ZNF292: variants seen among roughly 807,000 people sequenced by gnomAD.
ZNF292 encodes the protein 16 zinc-finger domain protein.
In ZNF292, 26 loss-of-function variants were observed where a neutral mutation model predicts 217.9. That is an observed-to-expected ratio of 0.12 (90% CI 0.09 to 0.17). ZNF292 has a LOEUF of 0.17. Among genes scored for constraint, ZNF292 ranks in the 10% least tolerant of loss-of-function variants. ZNF292 has a pLI of 1.00. For missense variants in ZNF292, 2,904 were observed against 3,175.2 expected, an observed-to-expected ratio of 0.91 and a Z score of 2.05; for synonymous variants, 1,257 against 1,124.1, an observed-to-expected ratio of 1.12 and a Z score of -2.37.
chr6:87,211,826 C>T (rs772751518), intron 1 of ZNF292, among the ~76,000 whole-genome samples: 1 of 152,140 alleles, frequency 6.6e-6, no homozygotes, highest in Non-Finnish European at 1.5e-5. Flanking sequence ...CTTGTCTTTT[C>T]CCCTCTATGC....
chr6:87,224,516 TTATC>T lies in ZNF292; in HGVS notation c.538+5791_538+5794del, dbSNP rs1231539691. ...CTTCTCCCAAACACCTGACAACTAC[TTATC>T]TATCTGCCATCTCTATAGTTTTGCC... On this transcript the variant is annotated intron_variant, in intron 4 of 7. Coordinates refer to ENST00000369577, the MANE Select transcript of ZNF292 (RefSeq NM_015021.3). 1.1e-4 allele frequency among the ~76,000 whole-genome samples: 17 copies of T among 152,194 alleles called. No homozygotes were observed. The East Asian group carries it at 3.1e-3, about 28-fold the overall frequency.
chr6:87,166,723 A>G (rs1427376857), intron 1 of ZNF292, among the ~76,000 whole-genome samples: 2 of 152,158 alleles, frequency 1.3e-5, no homozygotes, highest in Admixed American at 6.5e-5. Flanking sequence ...AAATTTTTTC[A>G]AGCTTTGTCA....
chr6:87,259,658 C>T lies in ZNF292; in HGVS notation c.6029C>T (p.Ala2010Val), dbSNP rs751384080. 4.4e-6 allele frequency: 7 copies of T among 1,588,378 alleles called. No individual in the cohort carries two copies. The highest frequency in any genetic ancestry group is 1.3e-5 in the African/African-American group (1 of 74,412). ...SRSTQVKKQL[A>V]MTEENKKESQ... is the part of the protein sequence containing the mutation. The stretch of plus-strand genomic sequence containing the variant: ...AGTACACAAGTGAAAAAACAGCTAG[C>T]TATGACAGAGGAAAATAAAAAGGAA... The change falls in exon 8 of 8, where the codon GCT (alanine) becomes GTT (valine). Residue 2010 changes from alanine (A) to valine (V), a missense_variant. Physicochemically the swap from Ala to Val is moderately conservative, Grantham distance 64. Transcript: ENST00000369577.
At chr6:87,182,991 T>C (rs1185542346) in intron 1 of ZNF292, among the ~76,000 whole-genome samples, 1 of 152,136 alleles carries the variant, frequency 6.6e-6, no homozygotes, top group Non-Finnish European at 1.5e-5. Context: ...GAAACACTCA[T>C]GGAGATAGTG....
At position 87,259,055 on chromosome 6, in the gene ZNF292, C is replaced by G. The variant is rs772258095; in HGVS notation, c.5426C>G (p.Ser1809Cys). ...NTVQNNKLPD[S>C]SPFSSFISVM... Reference sequence around the variant, plus strand: ...GTGCAAAATAACAAATTACCCGATTCTTCTCCGTTTTCCTCCTTTATAAGT... The same window carrying G: ...GTGCAAAATAACAAATTACCCGATTGTTCTCCGTTTTCCTCCTTTATAAGT... The change falls in exon 8 of 8, where the codon TCT (serine) becomes TGT (cysteine). Residue 1809 changes from serine to cysteine, a missense_variant. Ser to Cys is a moderately radical substitution (Grantham distance 112). Around this residue, in one of 15 missense-constraint regions of ZNF292, gnomAD observed 622 missense variants for 573.1 expected, o/e 1.09. Transcript: ENST00000369577. 1.2e-6 allele frequency: 2 copies of G among 1,613,184 alleles called. No individual in the cohort carries two copies. Among genetic ancestry groups the G allele is most frequent in the African/African-American group, 2.7e-5 (2 of 74,920 alleles).
intron 1 of ZNF292, among the ~76,000 whole-genome samples, chr6:87,181,881 G>A (rs1030298745): frequency 5.9e-5 from 9 of 151,690 alleles, no homozygotes; most frequent in African/African-American, 1.7e-4. Context: ...ATGGGGTTTC[G>A]CCATGTTGGC....
chr6:87,216,083 C>G (rs565572585), intron 2 of ZNF292, 26 bp downstream of exon 2: 2 of 1,492,170 alleles, frequency 1.3e-6, no homozygotes, highest in East Asian at 2.3e-5. Context: ...AGTAAATAAA[C>G]TAGATTTAGC....
chr6:87,174,439 A>G (rs1771214583), intron 1 of ZNF292: 1 of 152,260 alleles, frequency 6.6e-6, no homozygotes, highest in Non-Finnish European at 1.5e-5. Flanking sequence ...ATAAAAAAGT[A>G]ACTGCTGCAG....
At chr6:87,237,882 T>G (rs545728378) in intron 5 of ZNF292, among the ~76,000 whole-genome samples, 26 of 152,226 alleles carry the variant, frequency 1.7e-4, no homozygotes, top group Non-Finnish European at 2.2e-4. Flanking sequence ...GAATTTTGCT[T>G]CTTTGGATTT....
intron 1 of ZNF292, among the ~76,000 whole-genome samples, chr6:87,169,371 G>A (rs1771024594): frequency 1.3e-5 from 2 of 151,598 alleles, no homozygotes. Flanking sequence ...ATTTTCCATC[G>A]AGTTTTGTTG....
In ZNF292 at chr6:87,256,972, A is replaced by G; in HGVS notation, c.3343A>G (p.Ile1115Val). ...CTRTYNSSQS[I>V]GKHMKTAHPD... The stretch of plus-strand genomic sequence containing the variant: ...TCGAACCTATAATTCTTCACAGAGT[A>G]TTGGGAAACACATGAAGACAGCACA... The change falls in exon 8 of 8, where the codon ATT becomes GTT. Residue 1115 changes from isoleucine (I) to valine (V), a missense_variant. Transcript: ENST00000369577. 6.2e-7 allele frequency: 1 copy of G among 1,613,790 alleles called. No homozygotes were observed. Among genetic ancestry groups the G allele is most frequent in the Non-Finnish European group, 8.5e-7 (1 of 1,179,824 alleles).
At chr6:87,178,103 A>G (rs1298833265) in intron 1 of ZNF292, among the ~76,000 whole-genome samples, 7 of 152,088 alleles carry the variant, frequency 4.6e-5, no homozygotes, top group Non-Finnish European at 7.4e-5. Flanking sequence ...TGGTAAGGCT[A>G]TTCAAATTCT....
In ZNF292 at chr6:87,198,323, G is replaced by C. The variant is rs1772017373; in HGVS notation, c.169-17580G>C. On this transcript the variant is annotated intron_variant, in intron 1 of 7. Coordinates refer to ENST00000369577, the MANE Select transcript of ZNF292 (RefSeq NM_015021.3). ...GGGTTCACACCATTCTCCTGCCTTA[G>C]CCTCCCGAGTAGCTGGGACTACAGG... Among the ~76,000 whole-genome samples, 4 of 152,062 alleles carry C rather than the reference G, an allele frequency of 2.6e-5. No homozygotes were observed. The South Asian group carries it at 8.3e-4, about 32-fold the overall frequency.
chr6:87,204,454 C>T (rs1052436639), intron 1 of ZNF292, among the ~76,000 whole-genome samples: 6 of 146,604 alleles, frequency 4.1e-5, no homozygotes, highest in Admixed American at 1.4e-4. Flanking sequence ...AAAAAAATGT[C>T]TTTGTACTGT....
At chr6:87,196,551 C>T (rs1028800445) in intron 1 of ZNF292, among the ~76,000 whole-genome samples, 1 of 152,210 alleles carries the variant, frequency 6.6e-6, no homozygotes, top group Non-Finnish European at 1.5e-5. Flanking sequence ...TATGTGATTG[C>T]TTACTGATCA....
rs868447090 is a variant in ZNF292 at position 87,155,700 on chromosome 6, C to A, written c.109C>A (p.Arg37=). ...GCTCCAGGAGCTGGAGCTACAGCTGCGGGAGAGCCGGGTACCGGCCGTGGA... is the reference window on the plus strand; with the variant it reads ...GCTCCAGGAGCTGGAGCTACAGCTGAGGGAGAGCCGGGTACCGGCCGTGGA... ...ERLQELELQL[R]ESRVPAVEAA... The change falls in exon 1 of 8, where the codon CGG becomes AGG. Residue 37 remains arginine (R), a synonymous_variant. Coordinates refer to ENST00000369577, the MANE Select transcript of ZNF292 (RefSeq NM_015021.3). 12 of 1,594,338 alleles carry A rather than the reference C, an allele frequency of 7.5e-6. No individual in the cohort carries two copies. Among genetic ancestry groups the A allele is most frequent in the Non-Finnish European group, 1.0e-5 (12 of 1,172,460 alleles).
Position 87,241,535 on chromosome 6 carries a change from C to T in ZNF292, c.742-1940C>T, listed in dbSNP as rs1258070366. Reference sequence around the variant, plus strand: ...CCAGATGTAAGCGGTTTTCCCACCTCAACCTCCCCAGTAGCTGGAACTACA... The same window carrying T: ...CCAGATGTAAGCGGTTTTCCCACCTTAACCTCCCCAGTAGCTGGAACTACA... On this transcript the variant is annotated intron_variant, in intron 5 of 7. Transcript: ENST00000369577. Among the ~76,000 whole-genome samples the T allele has an allele frequency of 5.3e-5, 8 of 151,152 alleles. No individual in the cohort carries two copies. The Admixed American group carries it at 5.3e-4, about 10-fold the overall frequency.
intron 1 of ZNF292, among the ~76,000 whole-genome samples, chr6:87,209,318 ATTC>A (rs1378072001): frequency 1.3e-5 from 2 of 151,948 alleles, no homozygotes; most frequent in Non-Finnish European, 2.9e-5. Flanking sequence ...CCATGTTCCT[ATTC>A]TTATGGATTT....
chr6:87,185,011 A>G (rs1771600869), intron 1 of ZNF292, among the ~76,000 whole-genome samples: 1 of 152,296 alleles, frequency 6.6e-6, no homozygotes, highest in South Asian at 2.1e-4. Context: ...CTCACACACT[A>G]ATGTCCTCTG....
Sources: gnomAD v4.1 joint callset for allele counts (sites outside exome capture counted in the v4.1 genomes callset) on GRCh38, gnomAD v4.1.1 for gene constraint, gnomAD v4.1.1 regional missense constraint, MANE v1.5 for transcripts, NCBI Gene and HGNC (gene_info 2026-07-23, HGNC 2026-07-21) for gene names.